Variants in CNTLN observed in about 807,000 individuals in gnomAD.
CNTLN encodes centlein, centrosomal protein.
In CNTLN, 212 loss-of-function variants were observed where a neutral mutation model predicts 180.0. The observed-to-expected ratio is 1.18, with a 90% CI of 1.05 to 1.32. CNTLN has a LOEUF of 1.32. Ranked by LOEUF, CNTLN falls within the 40% of genes most tolerant of loss-of-function variation. The pLI is 0.00. For missense variants in CNTLN, 2,095 were observed against 1,610.9 expected (o/e 1.30, Z -5.14); for synonymous variants, 722 against 563.1 (o/e 1.28, Z -3.99).
chr9:17,514,349 T>C, the CNTLN span, among the ~76,000 whole-genome samples: 8 of 152,050 alleles, frequency 5.3e-5, no homozygotes, highest in African/African-American at 1.4e-4. Context: ...AAATAAACCG[T>C]GACACATAAC....
chr9:17,262,075 AC>A (rs1184760370), intron 5 of CNTLN, among the ~76,000 whole-genome samples: 1 of 151,568 alleles, frequency 6.6e-6, no homozygotes, highest in Non-Finnish European at 1.5e-5. Flanking sequence ...TTAGGAAACA[AC>A]AGATGCTGGC....
At chr9:17,454,652 C>G (rs190742779) in intron 18 of CNTLN, among the ~76,000 whole-genome samples, 196 of 152,338 alleles carry the variant, frequency 1.3e-3, no homozygotes, top group African/African-American at 4.4e-3. Flanking sequence ...GACAATAATG[C>G]TGCACGTTGA....
At chr9:17,268,753 C>A (rs528729010) in intron 5 of CNTLN, among the ~76,000 whole-genome samples, 8 of 152,132 alleles carry the variant, frequency 5.3e-5, no homozygotes, top group Admixed American at 6.5e-5. Context: ...AGGCACTCCT[C>A]CCCCAGCCTC....
chr9:17,293,382 T>C (rs1208663670), intron 6 of CNTLN, among the ~76,000 whole-genome samples: 1 of 152,124 alleles, frequency 6.6e-6, no homozygotes, highest in Non-Finnish European at 1.5e-5. Context: ...AAAGTCTAAG[T>C]CTGCTAATCT....
intron 2 of CNTLN, among the ~76,000 whole-genome samples, chr9:17,158,892 C>A (rs1387946629): frequency 6.6e-6 from 1 of 151,478 alleles, no homozygotes; most frequent in Non-Finnish European, 1.5e-5. Flanking sequence ...TTTATTATTT[C>A]CTTCATTCTG....
At chr9:17,277,350 C>A (rs905312926) in intron 6 of CNTLN, among the ~76,000 whole-genome samples, 1 of 152,040 alleles carries the variant, frequency 6.6e-6, no homozygotes, top group Non-Finnish European at 1.5e-5. Flanking sequence ...ACAGTGCAGT[C>A]ATAATTTTGG....
intron 23 of CNTLN, among the ~76,000 whole-genome samples, chr9:17,475,584 A>T (rs1301575554): frequency 6.6e-6 from 1 of 151,962 alleles, no homozygotes; most frequent in Non-Finnish European, 1.5e-5. Context: ...TAAATAAAGA[A>T]GATAGGGGCC....
intron 2 of CNTLN, among the ~76,000 whole-genome samples, chr9:17,171,716 A>T (rs78722272): frequency 0.02 from 3,077 of 152,104 alleles, 105 homozygotes; most frequent in African/African-American, 0.07. Context: ...CAGTGGTTCT[A>T]GTATCCAGGG....
intron 25 of CNTLN, among the ~76,000 whole-genome samples, chr9:17,497,455 A>G (rs952270697): frequency 1.3e-5 from 2 of 152,186 alleles, no homozygotes; most frequent in African/African-American, 4.8e-5. Flanking sequence ...TCATTTTACT[A>G]AATCCTGAAG....
At chr9:17,225,319 C>A (rs1245769523) in intron 2 of CNTLN, among the ~76,000 whole-genome samples, 2 of 152,012 alleles carry the variant, frequency 1.3e-5, no homozygotes, top group African/African-American at 4.8e-5. Context: ...AAGTCAAGCT[C>A]CTTTCCACCT....
At chr9:17,362,897 TACCCCAACAGGCCCCAGTGTGTG>T (rs1823517481) in intron 12 of CNTLN, among the ~76,000 whole-genome samples, 1 of 151,930 alleles carries the variant, frequency 6.6e-6, no homozygotes, top group African/African-American at 2.4e-5. Context: ...TAGTCCCCCA[TACCCCAACAGGCCCCAGTGTGTG>T]ATGTTTCCCT....
intron 2 of CNTLN, among the ~76,000 whole-genome samples, chr9:17,190,459 C>T (rs1302774867): frequency 6.6e-6 from 1 of 151,650 alleles, no homozygotes; most frequent in Non-Finnish European, 1.5e-5. Context: ...ATTTTTTTAT[C>T]TTGTAAGTTT....
downstream of CNTLN, among the ~76,000 whole-genome samples, chr9:17,506,205 C>G (rs1245512647): frequency 6.6e-6 from 1 of 152,006 alleles, no homozygotes; most frequent in Non-Finnish European, 1.5e-5. Context: ...TTCAGGACCT[C>G]AGATTTGGTG....
chr9:17,334,056 C>T (rs1234442275), intron 10 of CNTLN, among the ~76,000 whole-genome samples: 1 of 151,990 alleles, frequency 6.6e-6, no homozygotes, highest in African/African-American at 2.4e-5. Context: ...CCTCCTTTTG[C>T]ATAATTTTTT....
chr9:17,288,730 C>T (rs534899328), intron 6 of CNTLN, among the ~76,000 whole-genome samples: 1 of 138,472 alleles, frequency 7.2e-6, no homozygotes. Flanking sequence ...GTTAGCTCTT[C>T]TTGTTGAATT....
intron 2 of CNTLN, among the ~76,000 whole-genome samples, chr9:17,198,462 A>G (rs1469895386): frequency 8.4e-6 from 1 of 119,696 alleles, no homozygotes; most frequent in Non-Finnish European, 1.7e-5. Flanking sequence ...GAGATCTTTC[A>G]CTTCTTTGGT....
At chr9:17,346,682 C>T (rs78412979) in intron 12 of CNTLN, among the ~76,000 whole-genome samples, 32 of 152,098 alleles carry the variant, frequency 2.1e-4, no homozygotes, top group Non-Finnish European at 2.9e-5. Context: ...GAAGTTTGGT[C>T]ATAACATGTC....
intron 5 of CNTLN, among the ~76,000 whole-genome samples, chr9:17,262,051 C>G (rs2383010): frequency 0.24 from 35,623 of 150,986 alleles, 5,478 homozygotes; most frequent in African/African-American, 0.37. Context: ...GTTAGAACAG[C>G]GATTATTAAA....
In CNTLN at chr9:17,296,964, G is replaced by A. The variant is rs374534700; in HGVS notation, c.984-1226G>A. Among the ~76,000 whole-genome samples the A allele has an allele frequency of 2.1e-3, 313 of 152,214 alleles. 1 individual carries two copies. Among genetic ancestry groups the A allele is most frequent in the African/African-American group, 7.1e-3 (297 of 41,540 alleles). On this transcript the variant is annotated intron_variant, in intron 6 of 25. Transcript: ENST00000380647. ...TTCTTTTAAGACATTTTATGTGAAT[G>A]AATGACTAGTTTAAAGTTATAGGTA...
Sources: gnomAD v4.1 joint callset for allele counts (sites outside exome capture counted in the v4.1 genomes callset) on GRCh38, gnomAD v4.1.1 for gene constraint, MANE v1.5 for transcripts, NCBI Gene and HGNC (gene_info 2026-07-23, HGNC 2026-07-21) for gene names.